CASP5: variants seen among roughly 807,000 people sequenced by gnomAD.
The protein encoded by CASP5 is caspase-5.
Under a neutral mutation model 45.2 loss-of-function variants are expected in CASP5, and 42 were observed. That is an observed-to-expected ratio of 0.93 (90% CI 0.73 to 1.20). The LOEUF is 1.20. Ranked by LOEUF, CASP5 falls within the 50% of genes most tolerant of loss-of-function variation. The pLI, the probability that CASP5 is intolerant of heterozygous loss-of-function variation, is 0.00. For missense variants in CASP5, 512 were observed against 532.2 expected, an observed-to-expected ratio of 0.96 and a Z score of 0.37; for synonymous variants, 209 against 186.2, an observed-to-expected ratio of 1.12 and a Z score of -1.00.
intron 1 of CASP5, among the ~76,000 whole-genome samples, chr11:105,012,326 A>G (rs1862389782): frequency 6.6e-6 from 1 of 151,882 alleles, no homozygotes; most frequent in South Asian, 2.1e-4. Flanking sequence ...AAACTTTGAA[A>G]CTACTACACA....
At chr11:105,000,707 T>G (rs1336329937) in intron 5 of CASP5, among the ~76,000 whole-genome samples, 1 of 152,040 alleles carries the variant, frequency 6.6e-6, no homozygotes, top group Non-Finnish European at 1.5e-5. Flanking sequence ...TTTTTCTCCC[T>G]GCTGACACAC....
chr11:104,998,864 C>T, intron 7 of CASP5, 21 bp downstream of exon 7: 1 of 1,605,834 alleles, frequency 6.2e-7, no homozygotes, highest in Non-Finnish European at 8.5e-7. Context: ...AAATTTTTGA[C>T]TGTTACTAAA....
intron 5 of CASP5, 24 bp downstream of exon 5, chr11:105,002,004 G>A (rs1861755149): frequency 2.5e-6 from 4 of 1,609,616 alleles, no homozygotes; most frequent in Non-Finnish European, 3.4e-6. Context: ...ATGGATGAGT[G>A]TGAGATGGCT....
intron 1 of CASP5, among the ~76,000 whole-genome samples, chr11:105,017,546 A>G (rs1200093905): frequency 6.6e-5 from 10 of 152,222 alleles, no homozygotes; most frequent in African/African-American, 9.6e-5. Context: ...AACTGGAAGA[A>G]AGGGTATCAG....
At chr11:105,008,374 T>C (rs1418409638) in intron 2 of CASP5, among the ~76,000 whole-genome samples, 1 of 152,066 alleles carries the variant, frequency 6.6e-6, no homozygotes, top group Non-Finnish European at 1.5e-5. Flanking sequence ...GTTATTGGCA[T>C]GTTGATGCCA....
chr11:105,001,987 G>A, intron 5 of CASP5, 41 bp downstream of exon 5: 1 of 1,580,508 alleles, frequency 6.3e-7, no homozygotes, highest in Non-Finnish European at 8.6e-7. Flanking sequence ...AAGAATCTGT[G>A]TTGCCTATGG....
At chr11:105,000,553 C>G in intron 5 of CASP5, 58 bp from the exon 6 acceptor site, 1 of 1,472,384 alleles carries the variant, frequency 6.8e-7, no homozygotes, top group Non-Finnish European at 9.5e-7. Flanking sequence ...ATAGGACCTC[C>G]TAGATTTACC....
intron 1 of CASP5, among the ~76,000 whole-genome samples, chr11:105,013,102 C>A (rs1565390696): frequency 3.3e-5 from 5 of 151,858 alleles, no homozygotes; most frequent in African/African-American, 9.7e-5. Context: ...AGAAAGAAAT[C>A]TTGTCATTTG....
intron 8 of CASP5, among the ~76,000 whole-genome samples, chr11:104,996,380 A>T (rs756017174): frequency 6.6e-6 from 1 of 152,186 alleles, no homozygotes; most frequent in Admixed American, 6.5e-5. Flanking sequence ...CCTCAAAAGT[A>T]CAATGTCTAA....
At chr11:105,014,657 T>C (rs1862501758) in intron 1 of CASP5, among the ~76,000 whole-genome samples, 1 of 152,054 alleles carries the variant, frequency 6.6e-6, no homozygotes, top group South Asian at 2.1e-4. Context: ...ACACTGGAAG[T>C]TTTAAGCAGA....
chr11:105,010,435 T>C (rs1862290337), intron 1 of CASP5, among the ~76,000 whole-genome samples: 1 of 149,548 alleles, frequency 6.7e-6, no homozygotes, highest in Non-Finnish European at 1.5e-5. Flanking sequence ...ATATAATAAA[T>C]CAGTAATTAT....
At chr11:105,011,764 C>G (rs1862361995) in intron 1 of CASP5, among the ~76,000 whole-genome samples, 2 of 151,520 alleles carry the variant, frequency 1.3e-5, no homozygotes, top group African/African-American at 4.8e-5. Context: ...ATACTCATAA[C>G]TATAAAACAT....
At chr11:105,010,862 T>C (rs547948963) in intron 1 of CASP5, among the ~76,000 whole-genome samples, 1 of 151,900 alleles carries the variant, frequency 6.6e-6, no homozygotes, top group Admixed American at 6.6e-5. Flanking sequence ...TACAGATAAG[T>C]TACTTAAGAA....
At chr11:104,995,004 C>A (rs951762355) in intron 9 of CASP5, among the ~76,000 whole-genome samples, 1 of 152,184 alleles carries the variant, frequency 6.6e-6, no homozygotes, top group Admixed American at 6.5e-5. Context: ...GAAGAATGCA[C>A]ACTGGGGTGG....
At chr11:105,002,866 C>T (rs963300239) in intron 4 of CASP5, among the ~76,000 whole-genome samples, 1 of 152,228 alleles carries the variant, frequency 6.6e-6, no homozygotes, top group Admixed American at 6.5e-5. Flanking sequence ...TAAAGGTTAC[C>T]ACTGTCACCA....
intron 1 of CASP5, among the ~76,000 whole-genome samples, chr11:105,022,244 G>A (rs946153356): frequency 6.6e-6 from 1 of 150,806 alleles, no homozygotes; most frequent in African/African-American, 2.4e-5. Flanking sequence ...CCACCAGCAT[G>A]TCACATGTAT....
chr11:105,000,548 ACCT>A (rs1364880882), intron 5 of CASP5, 53 bp from the exon 6 acceptor site: 1 of 1,513,154 alleles, frequency 6.6e-7, no homozygotes, highest in African/African-American at 1.4e-5. Context: ...AATTAATAGG[ACCT>A]CCTAGATTTA....
At position 104,999,117 on chromosome 11, in the gene CASP5, G is replaced by A. The variant is rs546019343; in HGVS notation, c.953-89C>T. ...ACGTGTAGGTTTGTTACATAGTTAC[G>A]CATGTACCATTGTGGTTTGCTGCAC... On this transcript the variant is annotated intron_variant, in intron 6 of 9. Transcript: ENST00000260315. 226 of 1,147,100 alleles carry A rather than the reference G, an allele frequency of 2.0e-4. 1 individual carries two copies. Among genetic ancestry groups the A allele is most frequent in the South Asian group, 1.9e-3 (123 of 63,782 alleles). The allele number at this position is 1,147,100 out of a possible 1,614,324, so 71.1% of individuals were successfully genotyped here. A position where few individuals can be genotyped will look rare whatever the true frequency, so the allele number is the denominator to read the frequency against.
At chr11:105,003,193 C>G in intron 4 of CASP5, 81 bp downstream of exon 4, 2 of 897,988 alleles carry the variant, frequency 2.2e-6, no homozygotes, top group South Asian at 2.7e-5. Context: ...GAGCAAGACC[C>G]CATTTTTAAA....
Sources: allele counts gnomAD v4.1 joint callset (sites outside exome capture counted in the v4.1 genomes callset), GRCh38; gene constraint gnomAD v4.1.1; transcripts MANE v1.5; gene names NCBI Gene and HGNC (gene_info 2026-07-23, HGNC 2026-07-21).